Variants in CCDC62 observed in about 807,000 individuals in gnomAD.
The protein encoded by CCDC62 is coiled-coil domain-containing protein 62.
A neutral mutation model predicts 80.8 loss-of-function variants in CCDC62; 72 were observed. The observed-to-expected ratio is 0.89, with a 90% CI of 0.74 to 1.08. The LOEUF (loss-of-function observed/expected upper bound fraction) is 1.08, where lower values mean the gene tolerates loss of function less well. Ranked by LOEUF, CCDC62 falls within the 50% of genes least tolerant of loss-of-function variation. CCDC62 has a pLI of 0.00. For missense variants in CCDC62, 704 were observed against 809.4 expected (o/e 0.87, Z 1.58); for synonymous variants, 286 against 296.5 (o/e 0.96, Z 0.36).
chr12:122,808,460 A>G (rs923422955), intron 10 of CCDC62, among the ~76,000 whole-genome samples: 2 of 152,126 alleles, frequency 1.3e-5, no homozygotes, highest in Non-Finnish European at 2.9e-5. Context: ...TTGTATAGAC[A>G]CATTTTTTTT....
At chr12:122,775,474 T>G (rs1225183020) in intron 1 of CCDC62, among the ~76,000 whole-genome samples, 2 of 152,220 alleles carry the variant, frequency 1.3e-5, no homozygotes, top group African/African-American at 2.4e-5. Flanking sequence ...GCCCAGCCAC[T>G]GGCGCTCAAT....
chr12:122,806,058 A>G, intron 9 of CCDC62, 93 bp from the exon 10 acceptor site: 1 of 1,165,256 alleles, frequency 8.6e-7, no homozygotes, highest in Non-Finnish European at 1.2e-6. Context: ...AAAAACACTT[A>G]TTTGTCCTTT....
At chr12:122,817,721 A>G (rs2032227592) in intron 11 of CCDC62, among the ~76,000 whole-genome samples, 1 of 152,134 alleles carries the variant, frequency 6.6e-6, no homozygotes, top group Admixed American at 6.6e-5. Flanking sequence ...TTAGGGTTTT[A>G]TGTCAAATTC....
At position 122,783,388 on chromosome 12, in the gene CCDC62, C is replaced by T. The variant is rs558867079; in HGVS notation, c.396+2058C>T. Among the ~76,000 whole-genome samples, 597 of 151,766 alleles carry T rather than the reference C, an allele frequency of 3.9e-3. 2 individuals are homozygous for T. The highest frequency in any genetic ancestry group is 6.8e-3 in the Middle Eastern group (2 of 292). On this transcript the variant is annotated intron_variant, in intron 3 of 12. Transcript: ENST00000253079. ...GACTACAGGCGCCCGCCACCACGCC[C>T]GGCTAATTTTTTGTATTTTAGTAGA...
Position 122,777,534 on chromosome 12 carries a change from G to C in CCDC62, c.80G>C (p.Arg27Pro). ...GAGATTTCCACTATCGAGAAACAAC[G>C]GAAGGAGCTGCAGTTGCTCATTGGA... Reference protein sequence around the residue: ...EVEISTIEKQRKELQLLIGEL... With the variant: ...EVEISTIEKQPKELQLLIGEL... Residue 27 changes from arginine to proline, a missense_variant, in exon 2 of 13, where the codon CGG becomes CCG. Arg to Pro is a moderately radical substitution (Grantham distance 103). Transcript: ENST00000253079. 6.2e-7 allele frequency: 1 copy of C among 1,614,026 alleles called. No homozygotes were observed. Among genetic ancestry groups the C allele is most frequent in the Non-Finnish European group, 8.5e-7 (1 of 1,179,950 alleles).
At chr12:122,775,293 C>T (rs1261707566) in intron 1 of CCDC62, among the ~76,000 whole-genome samples, 1 of 152,106 alleles carries the variant, frequency 6.6e-6, no homozygotes, top group Non-Finnish European at 1.5e-5. Flanking sequence ...TTAATTTACA[C>T]AACCTGGCGA....
chr12:122,804,641 A>G (rs1051280465), intron 9 of CCDC62, among the ~76,000 whole-genome samples: 1 of 152,136 alleles, frequency 6.6e-6, no homozygotes, highest in Non-Finnish European at 1.5e-5. Flanking sequence ...ATAAATAAAT[A>G]AATAAAGCCA....
intron 11 of CCDC62, among the ~76,000 whole-genome samples, chr12:122,820,061 C>CAAAAAAAAAAAAAAAAAA (rs34620795): frequency 1.7e-5 from 1 of 58,118 alleles, no homozygotes; most frequent in East Asian, 5.8e-4. Flanking sequence ...GATCCTGTCT[C>CAAAAAAAAAAAAAAAAAA]AAAAAAAAAA....
At chr12:122,802,195 A>G (rs1056072252) in intron 9 of CCDC62, among the ~76,000 whole-genome samples, 1 of 152,158 alleles carries the variant, frequency 6.6e-6, no homozygotes, top group African/African-American at 2.4e-5. Flanking sequence ...ACGCCACCCT[A>G]GAGCATTCCT....
rs1164631451 is a variant in CCDC62, at chr12:122,785,828, A to G, written c.498+8A>G. 3.8e-6 allele frequency: 6 copies of G among 1,573,248 alleles called. No individual in the cohort carries two copies. The highest frequency in any genetic ancestry group is 5.2e-6 in the Non-Finnish European group (6 of 1,143,074). On this transcript the variant is annotated splice_region_variant and intron_variant, in intron 4 of 12. Coordinates refer to ENST00000253079, the MANE Select transcript of CCDC62 (RefSeq NM_201435.5). Reference sequence around the variant, plus strand: ...ACAATGATAAAGCTAAAGGTAATCAAAAATAAGAATTCCTCCATTTGCCAG... The same window carrying G: ...ACAATGATAAAGCTAAAGGTAATCAGAAATAAGAATTCCTCCATTTGCCAG...
At chr12:122,819,790 C>A (rs554375140) in intron 11 of CCDC62, among the ~76,000 whole-genome samples, 1 of 152,222 alleles carries the variant, frequency 6.6e-6, no homozygotes, top group Non-Finnish European at 1.5e-5. Flanking sequence ...AGCAGTGGCT[C>A]ACACCTGTAA....
rs181781086 is a variant in CCDC62 at position 122,824,026 on chromosome 12, A to G, written c.*40+567A>G. ...TTATTCTCAATACCTAGAATTTTAA[A>G]TCTAGGGAAGTGAATACATAGACAC... On this transcript the variant is annotated intron_variant, in intron 12 of 12. Transcript: ENST00000253079. 3.9e-5 allele frequency among the ~76,000 whole-genome samples: 6 copies of G among 152,326 alleles called. No homozygotes were observed. In the East Asian group the frequency reaches 7.7e-4, roughly 20 times the overall value.
At chr12:122,797,093 G>C (rs977349683) in intron 6 of CCDC62, among the ~76,000 whole-genome samples, 10 of 152,042 alleles carry the variant, frequency 6.6e-5, no homozygotes, top group Admixed American at 1.3e-4. Flanking sequence ...GGCCAGGCCA[G>C]TCTCGAACTC....
chr12:122,817,042 T>TTTTATTTA (rs371995378), intron 11 of CCDC62, among the ~76,000 whole-genome samples: 26 of 150,314 alleles, frequency 1.7e-4, no homozygotes, highest in African/African-American at 6.2e-4. Flanking sequence ...TATTTTTAAA[T>TTTTATTTA]TTTATTTATT....
At chr12:122,791,808 TGGTGCAGGGA>T (rs2030624513) in intron 5 of CCDC62, among the ~76,000 whole-genome samples, 1 of 152,206 alleles carries the variant, frequency 6.6e-6, no homozygotes, top group Admixed American at 6.6e-5. Context: ...GAGGCAAGGC[TGGTGCAGGGA>T]GGTCAGTCAG....
chr12:122,783,313 C>T (rs894946774), intron 3 of CCDC62, among the ~76,000 whole-genome samples: 5 of 151,078 alleles, frequency 3.3e-5, no homozygotes, highest in East Asian at 2.0e-4. Context: ...CTGCAAGCTC[C>T]GCCTCCCGGG....
At chr12:122,805,898 C>G (rs2031573161) in intron 9 of CCDC62, among the ~76,000 whole-genome samples, 1 of 152,062 alleles carries the variant, frequency 6.6e-6, no homozygotes. Context: ...CGTGATCCAC[C>G]CAGATCAGCC....
At chr12:122,774,838 C>G (rs1252471480) in intron 1 of CCDC62, 132 bp downstream of exon 1, 3 of 602,396 alleles carry the variant, frequency 5.0e-6, no homozygotes, top group Non-Finnish European at 4.7e-6. Flanking sequence ...GCCTGTAATC[C>G]CAGCGCTTTG....
At chr12:122,788,682 T>A in intron 4 of CCDC62, 76 bp from the exon 5 acceptor site, 1 of 916,512 alleles carries the variant, frequency 1.1e-6, no homozygotes, top group Non-Finnish European at 1.7e-6. Flanking sequence ...CACGATAAGA[T>A]CTTAGTGTTA....
Sources: allele counts gnomAD v4.1 joint callset (sites outside exome capture counted in the v4.1 genomes callset), GRCh38; gene constraint gnomAD v4.1.1; transcripts MANE v1.5; gene names NCBI Gene and HGNC (gene_info 2026-07-23, HGNC 2026-07-21).